NLK: variants seen among roughly 807,000 people sequenced by gnomAD.
NLK encodes serine/threonine-protein kinase NLK.
NLK carries 11 observed loss-of-function variants against 59.0 expected under a neutral mutation model. The observed-to-expected ratio is 0.19, with a 90% confidence interval of 0.12 to 0.31. The LOEUF is 0.31. Ranked by LOEUF, NLK falls within the 10% of genes least tolerant of loss-of-function variation. The pLI, the probability that NLK is intolerant of heterozygous loss-of-function variation, is 1.00. For missense variants in NLK, 410 were observed against 661.1 expected, an observed-to-expected ratio of 0.62 and a Z score of 4.16; for synonymous variants, 235 against 235.9, an observed-to-expected ratio of 1.00 and a Z score of 0.03.
chr17:28,046,633 A>G (rs1357618831), intron 1 of NLK, among the ~76,000 whole-genome samples: 1 of 152,216 alleles, frequency 6.6e-6, no homozygotes, highest in Non-Finnish European at 1.5e-5. Context: ...TGCAGTTCAC[A>G]TTTGCCAGAG....
At chr17:28,070,539 AGACGG>A (rs1365902648) in intron 1 of NLK, among the ~76,000 whole-genome samples, 8 of 151,446 alleles carry the variant, frequency 5.3e-5, no homozygotes, top group Non-Finnish European at 1.0e-4. Context: ...TTTTTAGTAG[AGACGG>A]GTTTCACCAT....
intron 7 of NLK, among the ~76,000 whole-genome samples, chr17:28,178,283 G>T (rs1261335588): frequency 1.3e-5 from 2 of 152,152 alleles, no homozygotes; most frequent in African/African-American, 2.4e-5. Flanking sequence ...GATTGGCCAG[G>T]CCTGGGTCAG....
At chr17:28,159,800 G>C (rs1462524175) in intron 3 of NLK, among the ~76,000 whole-genome samples, 1 of 152,184 alleles carries the variant, frequency 6.6e-6, no homozygotes, top group Non-Finnish European at 1.5e-5. Flanking sequence ...CCTGGCTGCT[G>C]TTTTAGAAAT....
intron 6 of NLK, among the ~76,000 whole-genome samples, chr17:28,172,034 G>A (rs1307609259): frequency 1.3e-5 from 2 of 150,928 alleles, no homozygotes; most frequent in Non-Finnish European, 3.0e-5. Flanking sequence ...GGAATATATA[G>A]GATAATCCTA....
intron 1 of NLK, among the ~76,000 whole-genome samples, chr17:28,111,102 T>G (rs1395440030): frequency 6.6e-6 from 1 of 152,186 alleles, no homozygotes; most frequent in Non-Finnish European, 1.5e-5. Context: ...CTCCTTTAAT[T>G]CTTTGAGCAT....
chr17:28,132,581 TTTG>T (rs1002953544), intron 2 of NLK, 36 bp from the exon 3 acceptor site: 2 of 1,519,820 alleles, frequency 1.3e-6, no homozygotes, highest in Non-Finnish European at 1.8e-6. Context: ...TGTTTCCTTT[TTTG>T]TTCTCTAAAT....
chr17:28,201,130 C>T (rs1909618379), downstream of NLK, among the ~76,000 whole-genome samples: 1 of 152,158 alleles, frequency 6.6e-6, no homozygotes, highest in Non-Finnish European at 1.5e-5. Flanking sequence ...CCCAGACTGG[C>T]ATGCAGTGGG....
Position 28,172,537 on chromosome 17 carries a change from G to A in NLK, c.1068G>A (p.Leu356=), listed in dbSNP as rs538434889. ...TGTAGTTGGATTTGATCACGGATCT[G>A]TTGGGCACACCATCACTGGAAGCAA... ...PIQQLDLITD[L]LGTPSLEAMR... is the part of the protein sequence containing the mutation. Residue 356 remains leucine (L), a synonymous_variant, in exon 7 of 11, where the codon CTG becomes CTA. Transcript: ENST00000407008. 1.1e-4 allele frequency: 183 copies of A among 1,592,160 alleles called. 3 individuals carry two copies. In the South Asian group the frequency reaches 2.0e-3, roughly 17 times the overall value.
At chr17:28,090,802 G>T (rs1423837643) in intron 1 of NLK, among the ~76,000 whole-genome samples, 1 of 152,036 alleles carries the variant, frequency 6.6e-6, no homozygotes, top group Non-Finnish European at 1.5e-5. Flanking sequence ...TATTTTCTGG[G>T]TTGTATTGTT....
chr17:28,165,362 G>A (rs79999642), intron 5 of NLK, among the ~76,000 whole-genome samples: 2,000 of 152,136 alleles, frequency 0.013, 44 homozygotes, highest in African/African-American at 0.042. Context: ...CAAATTGTCC[G>A]TTATGGTTTT....
chr17:28,067,658 A>G (rs1909877818), intron 1 of NLK, among the ~76,000 whole-genome samples: 1 of 152,068 alleles, frequency 6.6e-6, no homozygotes. Context: ...GCATGGAGAT[A>G]GTTCATAAGA....
At chr17:28,086,271 G>C (rs1273808410) in intron 1 of NLK, among the ~76,000 whole-genome samples, 1 of 152,140 alleles carries the variant, frequency 6.6e-6, no homozygotes, top group Admixed American at 6.6e-5. Flanking sequence ...CAGGTTACTA[G>C]TTTCCTTTTA....
chr17:28,167,377 C>T (rs1908278511), intron 5 of NLK, among the ~76,000 whole-genome samples: 1 of 151,546 alleles, frequency 6.6e-6, no homozygotes, highest in Non-Finnish European at 1.5e-5. Flanking sequence ...GCCGGGACTA[C>T]AGGTGCACAC....
rs973212227 is a variant in NLK at position 28,110,697 on chromosome 17, G to A, written c.459-11906G>A. ...TTCATTTTTTCAAACTTTTTTCTTC[G>A]TTTCTAATATGTACTTTTCTCTAGA... On this transcript the variant is annotated intron_variant, in intron 1 of 10. Transcript: ENST00000407008. Among the ~76,000 whole-genome samples the A allele has an allele frequency of 4.6e-5, 7 of 151,020 alleles. No homozygotes were observed. The South Asian group carries it at 6.3e-4, about 14-fold the overall frequency.
At chr17:28,087,653 G>A (rs1434675854) in intron 1 of NLK, among the ~76,000 whole-genome samples, 1 of 152,106 alleles carries the variant, frequency 6.6e-6, no homozygotes, top group Admixed American at 6.5e-5. Context: ...AGAGAAGGAA[G>A]ATAAAACTAG....
intron 1 of NLK, among the ~76,000 whole-genome samples, chr17:28,063,672 A>T (rs971440636): frequency 6.6e-6 from 1 of 152,224 alleles, no homozygotes; most frequent in Non-Finnish European, 1.5e-5. Context: ...CCTCACCCTC[A>T]TAAAAATTCA....
chr17:28,169,199 A>G (rs767352932), intron 6 of NLK, among the ~76,000 whole-genome samples: 2 of 152,160 alleles, frequency 1.3e-5, no homozygotes, highest in African/African-American at 2.4e-5. Context: ...TGACTTTATT[A>G]TATGCACTGA....
intron 3 of NLK, among the ~76,000 whole-genome samples, chr17:28,155,600 A>G (rs1907670208): frequency 2.0e-5 from 3 of 152,210 alleles, no homozygotes; most frequent in Admixed American, 2.0e-4. Flanking sequence ...CTATGCAGCC[A>G]TAAAAAAGGA....
intron 1 of NLK, among the ~76,000 whole-genome samples, chr17:28,113,688 G>A (rs542939511): frequency 6.6e-6 from 1 of 152,276 alleles, no homozygotes; most frequent in East Asian, 1.9e-4. Flanking sequence ...TTTATGACCT[G>A]TATCTTGTGC....
Sources: gnomAD v4.1 joint callset for allele counts (sites outside exome capture counted in the v4.1 genomes callset) on GRCh38, gnomAD v4.1.1 for gene constraint, MANE v1.5 for transcripts, NCBI Gene and HGNC (gene_info 2026-07-23, HGNC 2026-07-21) for gene names.